RBFOX1: variants seen among roughly 807,000 people sequenced by gnomAD.
RBFOX1 encodes RNA binding fox-1 homolog 1.
RBFOX1 carries 8 observed loss-of-function variants against 57.7 expected under a neutral mutation model. The observed-to-expected ratio is 0.14, with a 90% CI of 0.08 to 0.25. RBFOX1 has a LOEUF of 0.25. RBFOX1 is among the 10% of genes least tolerant of loss of function. RBFOX1 has a pLI of 1.00. For missense variants in RBFOX1, 611 were observed against 548.5 expected, an observed-to-expected ratio of 1.11 and a Z score of -1.14; for synonymous variants, 326 against 222.4, an observed-to-expected ratio of 1.47 and a Z score of -4.15.
At chr16:6,638,116 T>C (rs1183831159) in intron 2 of RBFOX1, among the ~76,000 whole-genome samples, 2 of 152,158 alleles carry the variant, frequency 1.3e-5, no homozygotes, top group African/African-American at 4.8e-5. Flanking sequence ...AGGCCTGCCA[T>C]TGTAAAAGAG....
chr16:6,724,861 T>C (rs957636653), intron 3 of RBFOX1, among the ~76,000 whole-genome samples: 1 of 152,052 alleles, frequency 6.6e-6, no homozygotes, highest in African/African-American at 2.4e-5. Flanking sequence ...TAGTTATTTT[T>C]CCTAATGCTC....
At chr16:6,777,643 C>G (rs927552412) in intron 3 of RBFOX1, among the ~76,000 whole-genome samples, 3 of 152,082 alleles carry the variant, frequency 2.0e-5, no homozygotes, top group Non-Finnish European at 2.9e-5. Context: ...TTTTAAAAAT[C>G]CAGTTTCTTA....
chr16:6,306,981 A>T (rs1361242179), intron 1 of RBFOX1, among the ~76,000 whole-genome samples: 1 of 152,076 alleles, frequency 6.6e-6, no homozygotes, highest in African/African-American at 2.4e-5. Flanking sequence ...CATGAACCTG[A>T]AGGCACCACC....
chr16:7,494,746 G>C (rs1218527644), intron 4 of RBFOX1, among the ~76,000 whole-genome samples: 2 of 151,526 alleles, frequency 1.3e-5, no homozygotes, highest in Admixed American at 1.3e-4. Context: ...TCTGAGTCTG[G>C]AAGTGGCTTT....
intron 1 of RBFOX1, among the ~76,000 whole-genome samples, chr16:6,129,357 A>G (rs1435219836): frequency 6.6e-6 from 1 of 152,226 alleles, no homozygotes; most frequent in Non-Finnish European, 1.5e-5. Flanking sequence ...AAGTTTAGAA[A>G]GGAAATGTAA....
chr16:6,009,995 T>G (rs2094951980), intron 4 of RBFOX1, among the ~76,000 whole-genome samples: 1 of 152,138 alleles, frequency 6.6e-6, no homozygotes, highest in African/African-American at 2.4e-5. Context: ...ATTCCGTCAG[T>G]GGAGCTCCAT....
At chr16:7,508,055 T>G (rs2073947749) in intron 4 of RBFOX1, among the ~76,000 whole-genome samples, 1 of 152,022 alleles carries the variant, frequency 6.6e-6, no homozygotes, top group African/African-American at 2.4e-5. Flanking sequence ...GATGCAATCT[T>G]GGATCACTGC....
intron 2 of RBFOX1, among the ~76,000 whole-genome samples, chr16:6,529,582 ATATAT>A (rs1027160764): frequency 4.4e-5 from 4 of 91,332 alleles, no homozygotes; most frequent in South Asian, 3.7e-4. Flanking sequence ...ATTATTAATA[ATATAT>A]TATTATTTAT....
At chr16:6,542,912 C>T (rs180730577) in intron 2 of RBFOX1, among the ~76,000 whole-genome samples, 1 of 152,130 alleles carries the variant, frequency 6.6e-6, no homozygotes, top group African/African-American at 2.4e-5. Flanking sequence ...GTGGGGACCA[C>T]ACCGTGCTGA....
intron 3 of RBFOX1, among the ~76,000 whole-genome samples, chr16:7,029,072 A>G (rs1258361733): frequency 6.2e-5 from 3 of 48,050 alleles, no homozygotes; most frequent in African/African-American, 4.2e-4. Context: ...ATATATATAT[A>G]TATATATATA....
At chr16:7,548,051 C>G (rs149844713) in intron 5 of RBFOX1, among the ~76,000 whole-genome samples, 17 of 152,346 alleles carry the variant, frequency 1.1e-4, no homozygotes, top group African/African-American at 3.8e-4. Context: ...AGAAAATAAG[C>G]TAGACAGGCA....
chr16:6,129,336 A>C (rs1456911926), intron 1 of RBFOX1, among the ~76,000 whole-genome samples: 1 of 152,224 alleles, frequency 6.6e-6, no homozygotes, highest in East Asian at 1.9e-4. Flanking sequence ...CATAAAAAGG[A>C]ATCAAATGGA....
intron 2 of RBFOX1, among the ~76,000 whole-genome samples, chr16:6,596,124 A>T (rs2097774542): frequency 6.6e-6 from 1 of 152,088 alleles, no homozygotes; most frequent in Non-Finnish European, 1.5e-5. Flanking sequence ...TAAAAAATGG[A>T]TACAGTCCAA....
At chr16:6,733,998 A>G (rs1005620861) in intron 3 of RBFOX1, among the ~76,000 whole-genome samples, 1 of 152,188 alleles carries the variant, frequency 6.6e-6, no homozygotes, top group South Asian at 2.1e-4. Context: ...CACAGTGTTC[A>G]GTCCCTGCCA....
intron 1 of RBFOX1, among the ~76,000 whole-genome samples, chr16:5,302,612 C>T (rs975910248): frequency 6.6e-6 from 1 of 152,134 alleles, no homozygotes; most frequent in African/African-American, 2.4e-5. Flanking sequence ...TTAATAGGTA[C>T]AGCATACATT....
At chr16:6,720,456 G>C (rs77586325) in intron 3 of RBFOX1, among the ~76,000 whole-genome samples, 1 of 152,062 alleles carries the variant, frequency 6.6e-6, no homozygotes, top group African/African-American at 2.4e-5. Flanking sequence ...TTATAGCATT[G>C]CAAGAATGGA....
chr16:7,188,951 T>G (rs962981985), intron 4 of RBFOX1, among the ~76,000 whole-genome samples: 14 of 152,110 alleles, frequency 9.2e-5, no homozygotes, highest in African/African-American at 3.4e-4. Context: ...AATTGCAGCC[T>G]GGGTAGCTTG....
chr16:6,360,986 C>T (rs1190533814), intron 2 of RBFOX1, among the ~76,000 whole-genome samples: 1 of 138,440 alleles, frequency 7.2e-6, no homozygotes, highest in Non-Finnish European at 1.6e-5. Flanking sequence ...TATTTTTAGG[C>T]AGGTAATTTT....
intron 1 of RBFOX1, among the ~76,000 whole-genome samples, chr16:6,265,347 T>C (rs1403132002): frequency 6.6e-6 from 1 of 152,046 alleles, no homozygotes; most frequent in Non-Finnish European, 1.5e-5. Context: ...CTACAACCTC[T>C]GCCTCCCAAG....
Sources: allele counts gnomAD v4.1 joint callset (sites outside exome capture counted in the v4.1 genomes callset), GRCh38; gene constraint gnomAD v4.1.1; transcripts MANE v1.5; gene names NCBI Gene and HGNC (gene_info 2026-07-23, HGNC 2026-07-21).